The following RALYL variants were observed in gnomAD, a reference collection of about 807,000 sequenced individuals.
The protein encoded by RALYL is RALY RNA binding protein like, also known as RNA-binding Raly-like protein.
In RALYL, 29 loss-of-function variants were observed where a neutral mutation model predicts 35.1. The ratio of observed to expected loss-of-function variants is 0.83; its 90% CI spans 0.61 to 1.13. The LOEUF is 1.13. RALYL is among the 50% of genes most tolerant of loss of function. The pLI is 0.00. For missense variants in RALYL, 359 were observed against 360.4 expected (o/e 1.00, Z 0.03); for synonymous variants, 120 against 127.6 (o/e 0.94, Z 0.40).
chr8:84,825,066 G>T (rs1339377604), intron 4 of RALYL, among the ~76,000 whole-genome samples: 1 of 151,954 alleles, frequency 6.6e-6, no homozygotes, highest in Non-Finnish European at 1.5e-5. Context: ...AACAGACAAC[G>T]TACAGAATGG....
intron 1 of RALYL, among the ~76,000 whole-genome samples, chr8:84,506,121 C>T (rs1342147531): frequency 1.3e-5 from 2 of 151,930 alleles, no homozygotes. Flanking sequence ...ATTACTTTTC[C>T]CTGTTTTCTA....
At chr8:84,244,407 C>T (rs1828647089) in intron 1 of RALYL, among the ~76,000 whole-genome samples, 1 of 152,170 alleles carries the variant, frequency 6.6e-6, no homozygotes, top group Admixed American at 6.6e-5. Context: ...CCATTATTTC[C>T]CTTTTTACAT....
chr8:84,548,989 A>G (rs1472600182), intron 2 of RALYL, among the ~76,000 whole-genome samples: 2 of 152,218 alleles, frequency 1.3e-5, no homozygotes, highest in African/African-American at 4.8e-5. Context: ...AAATTGGATC[A>G]TGAGAGCCCT....
At chr8:84,348,469 C>G (rs1225579177) in intron 1 of RALYL, among the ~76,000 whole-genome samples, 3 of 152,070 alleles carry the variant, frequency 2.0e-5, no homozygotes, top group African/African-American at 7.2e-5. Flanking sequence ...TTTTGCACCC[C>G]CATTCCCATC....
At position 84,296,623 on chromosome 8, in the gene RALYL, A is replaced by ATT. The variant is rs397891420; in HGVS notation, c.-24+112225_-24+112226dup. On this transcript the variant is annotated intron_variant, in intron 1 of 8. Coordinates refer to ENST00000521268, the MANE Select transcript of RALYL (RefSeq NM_173848.7). ...CAGGAGACATCTTTCTCTCTCTTGC[A>ATT]TTTTTTTTTTTTTTTTTTTTTTTTT... is the stretch of plus-strand genomic sequence containing the variant. Among the ~76,000 whole-genome samples the ATT allele has an allele frequency of 9.9e-3, 756 of 76,672 alleles. 39 individuals are homozygous for ATT. The highest frequency in any genetic ancestry group is 0.03 in the African/African-American group (599 of 19,732). The allele number at this position is 76,672 out of a possible 152,430, so 50.3% of individuals were successfully genotyped here. A position where few individuals can be genotyped will look rare whatever the true frequency, so the allele number is the denominator to read the frequency against.
chr8:84,297,648 T>A (rs1257270663), intron 1 of RALYL, among the ~76,000 whole-genome samples: 2 of 152,092 alleles, frequency 1.3e-5, no homozygotes, highest in Non-Finnish European at 2.9e-5. Flanking sequence ...AGTGGTTGAA[T>A]TAATTTACAT....
chr8:84,707,346 T>C (rs1458107576), intron 2 of RALYL, among the ~76,000 whole-genome samples: 1 of 152,210 alleles, frequency 6.6e-6, no homozygotes, highest in African/African-American at 2.4e-5. Context: ...TGATTTCCTC[T>C]TACAAGAATG....
chr8:84,698,412 A>G (rs1422623132), intron 2 of RALYL, among the ~76,000 whole-genome samples: 1 of 152,112 alleles, frequency 6.6e-6, no homozygotes, highest in Non-Finnish European at 1.5e-5. Context: ...GTAAAATTAT[A>G]ATATAGAGTC....
Position 84,419,843 on chromosome 8 carries a change from A to G in RALYL, c.-23-109456A>G, listed in dbSNP as rs578089557. 3.3e-5 allele frequency among the ~76,000 whole-genome samples: 5 copies of G among 151,162 alleles called. No homozygotes were observed. In the East Asian group the frequency reaches 7.8e-4, roughly 24 times the overall value. Reference sequence around the variant, plus strand: ...AGTTTACTGAGAATGATGATTTCCAATTTCATCCATGTCCCTACAAAGGAC... The same window carrying G: ...AGTTTACTGAGAATGATGATTTCCAGTTTCATCCATGTCCCTACAAAGGAC... On this transcript the variant is annotated intron_variant, in intron 1 of 8. Coordinates refer to ENST00000521268, the MANE Select transcript of RALYL (RefSeq NM_173848.7).
intron 1 of RALYL, among the ~76,000 whole-genome samples, chr8:84,440,793 G>A (rs572794886): frequency 6.6e-6 from 1 of 152,032 alleles, no homozygotes; most frequent in African/African-American, 2.4e-5. Flanking sequence ...CAGGTTTGGA[G>A]GATTATGAAC....
At chr8:84,190,833 G>A (rs1244916791) in intron 1 of RALYL, among the ~76,000 whole-genome samples, 2 of 151,876 alleles carry the variant, frequency 1.3e-5, no homozygotes, top group African/African-American at 4.8e-5. Context: ...CTTTAAGTGG[G>A]AATAAGTCCT....
intron 2 of RALYL, among the ~76,000 whole-genome samples, chr8:84,710,221 T>A (rs553154839): frequency 6.6e-6 from 1 of 152,286 alleles, no homozygotes; most frequent in Admixed American, 6.5e-5. Flanking sequence ...TGCCACATCC[T>A]TCCTAAATGC....
At chr8:84,841,566 G>T (rs1227573511) in intron 4 of RALYL, among the ~76,000 whole-genome samples, 1 of 152,162 alleles carries the variant, frequency 6.6e-6, no homozygotes, top group African/African-American at 2.4e-5. Context: ...CAACGAGACA[G>T]AAAGTTAACA....
chr8:84,521,930 T>A (rs2058491152), intron 1 of RALYL, among the ~76,000 whole-genome samples: 1 of 152,186 alleles, frequency 6.6e-6, no homozygotes. Flanking sequence ...TAGTCTCTCC[T>A]ATTAAGATAT....
At chr8:84,684,809 A>G (rs959989046) in intron 2 of RALYL, among the ~76,000 whole-genome samples, 8 of 152,206 alleles carry the variant, frequency 5.3e-5, no homozygotes, top group Non-Finnish European at 1.2e-4. Context: ...GTTTGTATTT[A>G]TGAAGATGTA....
At chr8:84,250,180 G>A (rs1829898316) in intron 1 of RALYL, among the ~76,000 whole-genome samples, 1 of 151,964 alleles carries the variant, frequency 6.6e-6, no homozygotes, top group Non-Finnish European at 1.5e-5. Flanking sequence ...TATTATGGCC[G>A]TCAAACAGCG....
chr8:84,432,522 T>A (rs2132714644), intron 1 of RALYL, among the ~76,000 whole-genome samples: 1 of 151,076 alleles, frequency 6.6e-6, no homozygotes, highest in South Asian at 2.1e-4. Flanking sequence ...TCATGTTAAA[T>A]GTTCTCACCA....
intron 1 of RALYL, among the ~76,000 whole-genome samples, chr8:84,196,155 T>C (rs1815213135): frequency 6.6e-6 from 1 of 152,252 alleles, no homozygotes; most frequent in South Asian, 2.1e-4. Context: ...GAAAATATTT[T>C]GTTTTATTCT....
chr8:84,233,231 C>T (rs1211785254), intron 1 of RALYL, among the ~76,000 whole-genome samples: 3 of 152,060 alleles, frequency 2.0e-5, no homozygotes, highest in Admixed American at 6.6e-5. Context: ...GACATCTTCC[C>T]GACTTGGGCT....
Sources: allele counts gnomAD v4.1 joint callset (sites outside exome capture counted in the v4.1 genomes callset), GRCh38; gene constraint gnomAD v4.1.1; transcripts MANE v1.5; gene names NCBI Gene and HGNC (gene_info 2026-07-23, HGNC 2026-07-21).